Variants in MAF observed in about 807,000 individuals in gnomAD.
MAF encodes the protein transcription factor Maf.
A neutral mutation model predicts 22.0 loss-of-function variants in MAF; 10 were observed. That is an observed-to-expected ratio of 0.45 (90% CI 0.28 to 0.77). The LOEUF (loss-of-function observed/expected upper bound fraction) is 0.77, where lower values mean the gene tolerates loss of function less well. MAF is among the 30% of genes least tolerant of loss of function. The probability of loss-of-function intolerance (pLI) is 0.12; values close to 1 mark genes in which losing one functional copy is unlikely to be tolerated. For synonymous variants in MAF, 337 were observed against 255.8 expected, an observed-to-expected ratio of 1.32 and a Z score of -3.03; for missense variants, 544 against 548.4, an observed-to-expected ratio of 0.99 and a Z score of 0.08.
the MAF span, among the ~76,000 whole-genome samples, chr16:79,241,355 G>C: frequency 0.028 from 4,286 of 152,178 alleles, 206 homozygotes; most frequent in African/African-American, 0.099. Flanking sequence ...TAAATGACAT[G>C]ATTGAGCTGA....
chr16:79,503,323 AC>A, the MAF span, among the ~76,000 whole-genome samples: 1 of 152,182 alleles, frequency 6.6e-6, no homozygotes, highest in Non-Finnish European at 1.5e-5. Flanking sequence ...ACTAGCCACA[AC>A]CACAAAGCGA....
chr16:79,537,662 C>T, the MAF span, among the ~76,000 whole-genome samples: 2 of 152,168 alleles, frequency 1.3e-5, no homozygotes, highest in Non-Finnish European at 2.9e-5. Context: ...AACTTCAGAA[C>T]AGATGGCTCC....
chr16:79,479,598 C>T, the MAF span, among the ~76,000 whole-genome samples: 1 of 152,190 alleles, frequency 6.6e-6, no homozygotes, highest in African/African-American at 2.4e-5. Flanking sequence ...TAGAGCCGAG[C>T]CAAGCCAACT....
the MAF span, among the ~76,000 whole-genome samples, chr16:79,300,337 A>C: frequency 0.39 from 59,122 of 151,998 alleles, 13,396 homozygotes; most frequent in East Asian, 0.69. Context: ...CAGGTGGATC[A>C]CCAGGTCAGG....
chr16:79,212,038 C>T, the MAF span: 1 of 1,536,244 alleles, frequency 6.5e-7, no homozygotes, highest in Non-Finnish European at 8.7e-7. Flanking sequence ...TGGTGGTGGC[C>T]TGTTTGAAAG....
At chr16:79,301,426 C>T in the MAF span, among the ~76,000 whole-genome samples, 60,662 of 150,608 alleles carry the variant, frequency 0.4, 14,805 homozygotes, top group East Asian at 0.69. Flanking sequence ...TGCATTTTTT[C>T]CCCCCATTTG....
the MAF span, among the ~76,000 whole-genome samples, chr16:79,214,484 C>A: frequency 6.6e-6 from 1 of 152,164 alleles, no homozygotes; most frequent in Non-Finnish European, 1.5e-5. Context: ...CAGCTCACTG[C>A]AACCTCCACC....
chr16:79,502,722 T>TAA, the MAF span, among the ~76,000 whole-genome samples: 276 of 36,628 alleles, frequency 7.5e-3, 11 homozygotes, highest in East Asian at 0.036. Context: ...TATATATATA[T>TAA]ATATATATAT....
the MAF span, among the ~76,000 whole-genome samples, chr16:79,434,382 T>C: frequency 6.6e-6 from 1 of 152,126 alleles, no homozygotes; most frequent in Non-Finnish European, 1.5e-5. Context: ...ATTTCTATGG[T>C]GTAAATGCTC....
the MAF span, among the ~76,000 whole-genome samples, chr16:79,532,735 T>C: frequency 6.6e-6 from 1 of 152,178 alleles, no homozygotes; most frequent in African/African-American, 2.4e-5. Flanking sequence ...TGCAGATACA[T>C]GTGTGTTTGT....
the MAF span, among the ~76,000 whole-genome samples, chr16:79,251,788 C>T: frequency 6.6e-6 from 1 of 152,146 alleles, no homozygotes; most frequent in Admixed American, 6.5e-5. Flanking sequence ...ACCAGCCAAG[C>T]GATCAGGTAT....
the MAF span, among the ~76,000 whole-genome samples, chr16:79,226,749 A>G: frequency 1.3e-5 from 2 of 152,038 alleles, no homozygotes; most frequent in Non-Finnish European, 2.9e-5. Context: ...TATTCCCCAC[A>G]TTTTCTATGA....
At chr16:79,358,827 T>C in the MAF span, among the ~76,000 whole-genome samples, 2 of 152,152 alleles carry the variant, frequency 1.3e-5, no homozygotes, top group Non-Finnish European at 2.9e-5. Context: ...AGCCCATTCC[T>C]GGGGAGTCTG....
the MAF span, among the ~76,000 whole-genome samples, chr16:79,469,840 C>A: frequency 1.3e-5 from 2 of 152,106 alleles, no homozygotes; most frequent in Admixed American, 1.3e-4. Flanking sequence ...CGTGATCCAC[C>A]CACCTCGGCC....
intron 1 of MAF, among the ~76,000 whole-genome samples, chr16:79,588,081 G>T (rs1445835084): frequency 6.6e-6 from 1 of 152,174 alleles, no homozygotes; most frequent in Non-Finnish European, 1.5e-5. Flanking sequence ...CTTACACTTG[G>T]ATCTGTTTAC....
the MAF span, among the ~76,000 whole-genome samples, chr16:79,416,047 C>T: frequency 1.3e-5 from 2 of 152,152 alleles, no homozygotes; most frequent in African/African-American, 4.8e-5. Context: ...CCGAGCACAG[C>T]ACCTGTCTCC....
chr16:79,374,868 TAGAC>T, the MAF span, among the ~76,000 whole-genome samples: 1 of 152,220 alleles, frequency 6.6e-6, no homozygotes, highest in African/African-American at 2.4e-5. Context: ...CAAGATATGT[TAGAC>T]AGTCAGGGTG....
the MAF span, among the ~76,000 whole-genome samples, chr16:79,481,440 C>T: frequency 6.6e-6 from 1 of 152,116 alleles, no homozygotes; most frequent in East Asian, 1.9e-4. Context: ...AAACCCTAGG[C>T]CACTACTCAT....
the MAF span, among the ~76,000 whole-genome samples, chr16:79,260,649 G>A: frequency 1.3e-5 from 2 of 152,246 alleles, no homozygotes; most frequent in Middle Eastern, 3.4e-3. Flanking sequence ...AAGTGCTGCC[G>A]ATCTTCGGCA....
Sources: gnomAD v4.1 joint callset for allele counts (sites outside exome capture counted in the v4.1 genomes callset) on GRCh38, gnomAD v4.1.1 for gene constraint, MANE v1.5 for transcripts, NCBI Gene and HGNC (gene_info 2026-07-23, HGNC 2026-07-21) for gene names.